GHR: variants seen among roughly 807,000 people sequenced by gnomAD.
GHR encodes GH receptor.
Under a neutral mutation model 67.1 loss-of-function variants are expected in GHR, and 35 were observed. The observed-to-expected ratio is 0.52, with a 90% CI of 0.40 to 0.69. The LOEUF is 0.69. Ranked by LOEUF, GHR falls within the 30% of genes least tolerant of loss-of-function variation. The probability of loss-of-function intolerance (pLI) is 0.00; values close to 1 mark genes in which losing one functional copy is unlikely to be tolerated. For missense variants in GHR, 792 were observed against 764.6 expected (o/e 1.04, Z -0.42); for synonymous variants, 272 against 269.1 (o/e 1.01, Z -0.10).
At position 42,699,836 on chromosome 5, in the gene GHR, C is replaced by T; in HGVS notation, c.452C>T (p.Pro151Leu). Residue 151 changes from proline to leucine, a missense_variant, in exon 6 of 10, where the codon CCA (proline) becomes CTA (leucine). Transcript: ENST00000230882. The stretch of plus-strand genomic sequence containing the variant: ...TTGAATTGCACAGTGCAACCAGATC[C>T]ACCCATTGCCCTCAACTGGACTTTA... Reference protein sequence around the residue: ...FSVDEIVQPDPPIALNWTLLN... With the variant: ...FSVDEIVQPDLPIALNWTLLN... 6.2e-7 allele frequency: 1 copy of T among 1,607,922 alleles called. No individual in the cohort carries two copies. Among genetic ancestry groups the T allele is most frequent in the South Asian group, 1.1e-5 (1 of 90,980 alleles).
chr5:42,493,965 C>T (rs763552252), intron 1 of GHR, among the ~76,000 whole-genome samples: 11 of 152,096 alleles, frequency 7.2e-5, no homozygotes, highest in Admixed American at 2.0e-4. Flanking sequence ...GCATTGAGCT[C>T]TTGGAGGGAA....
chr5:42,708,226 G>C (rs1758276166), intron 6 of GHR, among the ~76,000 whole-genome samples: 1 of 152,102 alleles, frequency 6.6e-6, no homozygotes, highest in Non-Finnish European at 1.5e-5. Context: ...TATGTGAAAA[G>C]TTTATTAAAA....
intron 1 of GHR, among the ~76,000 whole-genome samples, chr5:42,499,656 C>T (rs1207144265): frequency 6.6e-6 from 1 of 152,144 alleles, no homozygotes; most frequent in Non-Finnish European, 1.5e-5. Context: ...AACTGAATCC[C>T]CCTTGCTTGG....
chr5:42,462,295 C>T (rs1205774504), intron 1 of GHR, among the ~76,000 whole-genome samples: 1 of 152,182 alleles, frequency 6.6e-6, no homozygotes. Context: ...CACAGACTCT[C>T]TGTGAGTCAG....
chr5:42,700,012 T>A lies in GHR; in HGVS notation c.618+10T>A. 4 of 1,515,202 alleles carry A rather than the reference T, an allele frequency of 2.6e-6. No homozygotes were observed. The highest frequency in any genetic ancestry group is 1.1e-5 in the South Asian group (1 of 88,740). 93.9% of individuals were successfully genotyped at this position (1,515,202 alleles called of 1,614,324 possible). On this transcript the variant is annotated intron_variant, in intron 6 of 9. Coordinates refer to ENST00000230882, the MANE Select transcript of GHR (RefSeq NM_000163.5). The stretch of plus-strand genomic sequence containing the variant: ...AACTAAATGGAAAATGGTAAGATGT[T>A]GCTACACCTTACACTTTGACTTTTC...
rs922309017 is a variant in GHR at position 42,720,150 on chromosome 5, C to T, written c.*726C>T. On this transcript the variant is annotated 3_prime_UTR_variant, in exon 10 of 10. Coordinates refer to ENST00000230882, the MANE Select transcript of GHR (RefSeq NM_000163.5). ...CAAAGCCCTTTTATACCTCCCCAGA[C>T]TCCTTCAACAATTCTAAAATGATTG... is the stretch of plus-strand genomic sequence containing the variant. 6.6e-6 allele frequency: 1 copy of T among 152,344 alleles called. No individual in the cohort carries two copies. The highest frequency in any genetic ancestry group is 1.5e-5 in the Non-Finnish European group (1 of 68,170). 9.4% of individuals were successfully genotyped at this position (152,344 alleles called of 1,614,324 possible).
chr5:42,676,984 CA>C (rs926199288), intron 3 of GHR, among the ~76,000 whole-genome samples: 4 of 151,978 alleles, frequency 2.6e-5, no homozygotes, highest in Non-Finnish European at 5.9e-5. Flanking sequence ...TCAGTAAGCT[CA>C]GTACTTCTCA....
chr5:42,643,647 A>AT (rs1313661108), intron 3 of GHR, among the ~76,000 whole-genome samples: 1 of 152,010 alleles, frequency 6.6e-6, no homozygotes, highest in Non-Finnish European at 1.5e-5. Context: ...GTCTTCAGCC[A>AT]TTTTTGTAGA....
chr5:42,520,359 C>A (rs1747420121), intron 1 of GHR, among the ~76,000 whole-genome samples: 1 of 152,126 alleles, frequency 6.6e-6, no homozygotes, highest in African/African-American at 2.4e-5. Context: ...TGTAAATCCC[C>A]TGAACAATCA....
At chr5:42,499,477 T>G (rs1746449399) in intron 1 of GHR, among the ~76,000 whole-genome samples, 1 of 152,200 alleles carries the variant, frequency 6.6e-6, no homozygotes, top group African/African-American at 2.4e-5. Flanking sequence ...GTGTACAGTT[T>G]TCATGTTGAT....
At chr5:42,618,369 AC>A (rs1182551086) in intron 2 of GHR, among the ~76,000 whole-genome samples, 1 of 152,164 alleles carries the variant, frequency 6.6e-6, no homozygotes, top group African/African-American at 2.4e-5. Context: ...TACAAAAGTG[AC>A]AGATAAATCC....
At chr5:42,636,147 T>C (rs182336090) in intron 3 of GHR, among the ~76,000 whole-genome samples, 2,376 of 143,646 alleles carry the variant, frequency 0.017, 99 homozygotes, top group East Asian at 0.14. Flanking sequence ...GAGGCGGAGC[T>C]TGCAGTGAGC....
At chr5:42,442,376 C>T (rs1418581930) in intron 1 of GHR, among the ~76,000 whole-genome samples, 1 of 152,042 alleles carries the variant, frequency 6.6e-6, no homozygotes, top group Non-Finnish European at 1.5e-5. Flanking sequence ...AGCAGTTTAC[C>T]AGACACAGAA....
intron 3 of GHR, among the ~76,000 whole-genome samples, chr5:42,641,163 A>T (rs1754454429): frequency 1.5e-5 from 2 of 130,980 alleles, no homozygotes; most frequent in Admixed American, 1.5e-4. Context: ...TAGGTACAAA[A>T]AAGATGAGGC....
intron 3 of GHR, among the ~76,000 whole-genome samples, chr5:42,661,110 G>C (rs1353560190): frequency 3.3e-5 from 5 of 152,200 alleles, no homozygotes; most frequent in Admixed American, 2.6e-4. Context: ...TATGTGAAAA[G>C]ACCAAATCTA....
intron 6 of GHR, among the ~76,000 whole-genome samples, chr5:42,704,762 G>C (rs1758094326): frequency 6.6e-6 from 1 of 151,886 alleles, no homozygotes; most frequent in Non-Finnish European, 1.5e-5. Flanking sequence ...AGTCTTAGTA[G>C]GTTGTTGTGT....
In GHR at chr5:42,468,742, C is replaced by A. The variant is rs893704764; in HGVS notation, c.-12+44787C>A. The A allele has an allele frequency of 5.9e-6, 6 of 1,023,842 alleles. No homozygotes were observed. The Admixed American group carries it at 8.9e-5, about 15-fold the overall frequency. 63.4% of individuals were successfully genotyped at this position (1,023,842 alleles called of 1,614,324 possible). A position where few individuals can be genotyped will look rare whatever the true frequency, so the allele number is the denominator to read the frequency against. ...CTTGGCCCCAGAGACGCCGCCCCCG[C>A]CAGCTTCTTTTTTCTTGTTCTCTCC... On this transcript the variant is annotated intron_variant, in intron 1 of 9. Coordinates refer to ENST00000230882, the MANE Select transcript of GHR (RefSeq NM_000163.5).
intron 1 of GHR, chr5:42,468,707 A>C (rs117262981): frequency 1.3e-5 from 13 of 975,648 alleles, no homozygotes; most frequent in Non-Finnish European, 1.8e-5. Context: ...TCGCAGCCTG[A>C]GCTGCCGCTC....
chr5:42,662,791 C>T, intron 3 of GHR, among the ~76,000 whole-genome samples: 1 of 151,984 alleles, frequency 6.6e-6, no homozygotes, highest in Non-Finnish European at 1.5e-5. Flanking sequence ...CACAAAAAAC[C>T]CTTCAAATAA....
Sources: allele counts gnomAD v4.1 joint callset (sites outside exome capture counted in the v4.1 genomes callset), GRCh38; gene constraint gnomAD v4.1.1; transcripts MANE v1.5; gene names NCBI Gene and HGNC (gene_info 2026-07-23, HGNC 2026-07-21).